The following FSCN1 variants were observed in gnomAD, a reference collection of about 807,000 sequenced individuals.
FSCN1 encodes the protein fascin.
A neutral mutation model predicts 39.7 loss-of-function variants in FSCN1; 10 were observed. The ratio of observed to expected loss-of-function variants is 0.25; its 90% CI spans 0.16 to 0.43. The LOEUF (loss-of-function observed/expected upper bound fraction) is 0.43. FSCN1 is among the 20% of genes least tolerant of loss of function. The pLI is 1.00. For missense variants in FSCN1, 525 were observed against 723.8 expected, an observed-to-expected ratio of 0.73 and a Z score of 3.15; for synonymous variants, 322 against 320.0, an observed-to-expected ratio of 1.01 and a Z score of -0.07.
chr7:5,603,774 C>T lies in FSCN1; in HGVS notation c.1112-89C>T. The T allele has an allele frequency of 2.0e-6, 3 of 1,503,478 alleles. No homozygotes were observed. The highest frequency in any genetic ancestry group is 2.7e-6 in the Non-Finnish European group (3 of 1,096,540). 93.1% of individuals were successfully genotyped at this position (1,503,478 alleles called of 1,614,324 possible). On this transcript the variant is annotated intron_variant, in intron 3 of 4. Coordinates refer to ENST00000382361, the MANE Select transcript of FSCN1 (RefSeq NM_003088.4). The surrounding 1 kb of genome is among the most constrained non-coding windows in gnomAD (Gnocchi z 8.5). Reference sequence around the variant, plus strand: ...CCTACCCTGGGGACTGCTGTGTGACCCCAGCTCCTGGCCCTCCCTCTCTGG... The same window carrying T: ...CCTACCCTGGGGACTGCTGTGTGACTCCAGCTCCTGGCCCTCCCTCTCTGG...
At chr7:5,602,995 C>T (rs1414365791) in intron 1 of FSCN1, 13 of 532,036 alleles carry the variant, frequency 2.4e-5, no homozygotes, top group Non-Finnish European at 4.4e-5. Context: ...CAGGCATGAG[C>T]CCCTGTCCCT....
intron 1 of FSCN1, among the ~76,000 whole-genome samples, chr7:5,600,407 CTCTT>C (rs979031758): frequency 1.3e-4 from 20 of 152,014 alleles, no homozygotes; most frequent in Admixed American, 7.2e-4. Context: ...CAGCGAGACT[CTCTT>C]TCTCAAAAAA....
chr7:5,594,159 G>A (rs557838255), intron 1 of FSCN1: 373 of 193,680 alleles, frequency 1.9e-3, no homozygotes, highest in Non-Finnish European at 3.0e-3. Context: ...CCCTCCCCCC[G>A]CCGGCTGTCC....
intron 1 of FSCN1, among the ~76,000 whole-genome samples, chr7:5,594,389 C>T (rs1398659135): frequency 6.6e-6 from 1 of 152,054 alleles, no homozygotes; most frequent in African/African-American, 2.4e-5. Flanking sequence ...GTCAGCCCTT[C>T]CCCCCAGCCC....
At chr7:5,598,993 G>T (rs923032129) in intron 1 of FSCN1, among the ~76,000 whole-genome samples, 1 of 152,192 alleles carries the variant, frequency 6.6e-6, no homozygotes, top group Non-Finnish European at 1.5e-5. Flanking sequence ...CTGCAGCCCT[G>T]CGGCTTCTGT....
rs767397734 is a variant in FSCN1 at position 5,605,460 on chromosome 7, C to G, written c.1468C>G (p.Leu490Val). The G allele has an allele frequency of 1.3e-6, 2 of 1,582,324 alleles. No individual in the cohort carries two copies. Among genetic ancestry groups the G allele is most frequent in the Non-Finnish European group, 1.7e-6 (2 of 1,164,182 alleles). Residue 490 changes from leucine (L) to valine (V), a missense_variant, in exon 5 of 5, where the codon CTC (leucine) becomes GTC (valine). Around this residue, in one of 3 missense-constraint regions of FSCN1, gnomAD observed 275 missense variants for 351.9 expected, o/e 0.78. Transcript: ENST00000382361. The surrounding 1 kb of genome is among the most constrained non-coding windows in gnomAD (Gnocchi z 6.9). ...ASAETVDPAS[L>V]WEY The stretch of plus-strand genomic sequence containing the variant: ...GGCGGAAACCGTGGACCCCGCCTCG[C>G]TCTGGGAGTACTAGGGCCGGCCCGT...
rs779894288 is a variant in FSCN1, at chr7:5,593,510, G to A, written c.574G>A (p.Asp192Asn). The A allele has an allele frequency of 8.1e-6, 13 of 1,606,324 alleles. No homozygotes were observed. The South Asian group carries it at 1.3e-4, about 16-fold the overall frequency. The change falls in exon 1 of 5, where the codon GAC (aspartate) becomes AAC (asparagine). Residue 192 changes from aspartate (D) to asparagine (N), a missense_variant. This residue lies in a region of FSCN1 where 246 missense variants were observed against 350.6 expected (regional missense o/e 0.70). Coordinates refer to ENST00000382361, the MANE Select transcript of FSCN1 (RefSeq NM_003088.4). ...CCAGCGCTACAGCGTGCAGACCGCC[G>A]ACCACCGCTTCCTGCGCCACGACGG... ...QDQRYSVQTA[D>N]HRFLRHDGRL...
At chr7:5,594,713 G>C (rs1785699769) in intron 1 of FSCN1, 1 of 152,076 alleles carries the variant, frequency 6.6e-6, no homozygotes, top group African/African-American at 2.4e-5. Flanking sequence ...CCCGCCGCGC[G>C]CGTCTCCAGG....
rs772019323 is a variant in FSCN1 at position 5,593,560 on chromosome 7, G to A, written c.624G>A (p.Pro208=). The A allele has an allele frequency of 3.8e-6, 6 of 1,584,356 alleles. No individual in the cohort carries two copies. The highest frequency in any genetic ancestry group is 2.3e-5 in the East Asian group (1 of 43,808). ...HDGRLVARPE[P]ATGYTLEFRS... ...GGCGCCTGGTGGCGCGCCCCGAGCC[G>A]GCCACTGGCTACACGCTGGAGTTCC... Residue 208 remains proline, a synonymous_variant, in exon 1 of 5, where the codon CCG becomes CCA. Transcript: ENST00000382361.
intron 1 of FSCN1, among the ~76,000 whole-genome samples, chr7:5,597,537 C>A (rs982471108): frequency 6.6e-6 from 1 of 151,856 alleles, no homozygotes; most frequent in African/African-American, 2.4e-5. Context: ...CGTGGTGGCG[C>A]ATGCCTGTAA....
chr7:5,593,990 G>T, intron 1 of FSCN1: 1 of 555,068 alleles, frequency 1.8e-6, no homozygotes. Flanking sequence ...CCCCGGGCTG[G>T]GATCATGGGC....
rs7806695 is a variant in FSCN1, at chr7:5,602,188, G to C, written c.833-1069G>C. Among the ~76,000 whole-genome samples the C allele has an allele frequency of 2.5e-3, 376 of 150,246 alleles. 1 individual carries two copies. The highest frequency in any genetic ancestry group is 9.0e-3 in the African/African-American group (364 of 40,498). On this transcript the variant is annotated intron_variant, in intron 1 of 4. Coordinates refer to ENST00000382361, the MANE Select transcript of FSCN1 (RefSeq NM_003088.4). Reference sequence around the variant, plus strand: ...CCCAAACTGCTGGGATTACAGGTGTGAGCCACTGTGCCTGGCCCCTTTTTT... The same window carrying C: ...CCCAAACTGCTGGGATTACAGGTGTCAGCCACTGTGCCTGGCCCCTTTTTT...
intron 1 of FSCN1, among the ~76,000 whole-genome samples, chr7:5,596,294 C>G (rs1437553446): frequency 6.6e-6 from 1 of 152,168 alleles, no homozygotes; most frequent in Non-Finnish European, 1.5e-5. Context: ...GGATGTGAAT[C>G]ATCTCTGCAG....
intron 1 of FSCN1, chr7:5,594,789 G>A (rs1384818659): frequency 6.6e-6 from 1 of 152,360 alleles, no homozygotes. Context: ...GGAGACCCCA[G>A]GCCAGCTCCC....
Position 5,605,524 on chromosome 7 carries a change from C to T in FSCN1, c.*50C>T. On this transcript the variant is annotated 3_prime_UTR_variant, in exon 5 of 5. Coordinates refer to ENST00000382361, the MANE Select transcript of FSCN1 (RefSeq NM_003088.4). This position sits in a 1 kb window ranked among gnomAD's most constrained non-coding sequence, Gnocchi z 6.9. ...TGCCCACATGGCGGCTCCTGCCAACCCTCCCTGCTAACCCCTTCTCCGCCA... is the reference window on the plus strand; with the variant it reads ...TGCCCACATGGCGGCTCCTGCCAACTCTCCCTGCTAACCCCTTCTCCGCCA... The T allele has an allele frequency of 1.5e-6, 2 of 1,356,702 alleles. No individual in the cohort carries two copies. The highest frequency in any genetic ancestry group is 2.5e-5 in the East Asian group (1 of 39,884). 84.0% of individuals were successfully genotyped at this position (1,356,702 alleles called of 1,614,324 possible).
Position 5,592,924 on chromosome 7 carries a change from G to T in FSCN1, c.-13G>T. On this transcript the variant is annotated 5_prime_UTR_variant, in exon 1 of 5. Transcript: ENST00000382361. The surrounding 1 kb of genome is among the most constrained non-coding windows in gnomAD (Gnocchi z 5.3). ...TCCCGGGGCCGCGCAGCGGCCTCTCGTCTACTGCCACCATGACCGCCAACG... is the reference window on the plus strand; with the variant it reads ...TCCCGGGGCCGCGCAGCGGCCTCTCTTCTACTGCCACCATGACCGCCAACG... 4 of 1,479,240 alleles carry T rather than the reference G, an allele frequency of 2.7e-6. No homozygotes were observed. The highest frequency in any genetic ancestry group is 3.6e-6 in the Non-Finnish European group (4 of 1,110,402). 91.6% of individuals were successfully genotyped at this position (1,479,240 alleles called of 1,614,324 possible).
chr7:5,602,939 G>C, intron 1 of FSCN1: 1 of 382,776 alleles, frequency 2.6e-6, no homozygotes, highest in Non-Finnish European at 4.9e-6. Context: ...CAAACTCCTA[G>C]ACTCAAACAA....
Position 5,605,568 on chromosome 7 carries a change from A to C in FSCN1, c.*94A>C. 3 of 945,826 alleles carry C rather than the reference A, an allele frequency of 3.2e-6. No individual in the cohort carries two copies. In the South Asian group the frequency reaches 5.2e-5, roughly 16 times the overall value. 58.6% of individuals were successfully genotyped at this position (945,826 alleles called of 1,614,324 possible). On this transcript the variant is annotated 3_prime_UTR_variant, in exon 5 of 5. Coordinates refer to ENST00000382361, the MANE Select transcript of FSCN1 (RefSeq NM_003088.4). This position sits in a 1 kb window ranked among gnomAD's most constrained non-coding sequence, Gnocchi z 6.9. ...TCCGCCAGGTGGGCTCCAGGGCGGG[A>C]GGCAAGCCCCCTTGCCTTTCAAACT...
chr7:5,605,581 T>C lies in FSCN1; in HGVS notation c.*107T>C. ...CTCCAGGGCGGGAGGCAAGCCCCCTTGCCTTTCAAACTGGAAACCCCAGAG... is the reference window on the plus strand; with the variant it reads ...CTCCAGGGCGGGAGGCAAGCCCCCTCGCCTTTCAAACTGGAAACCCCAGAG... On this transcript the variant is annotated 3_prime_UTR_variant, in exon 5 of 5. Coordinates refer to ENST00000382361, the MANE Select transcript of FSCN1 (RefSeq NM_003088.4). This position sits in a 1 kb window ranked among gnomAD's most constrained non-coding sequence, Gnocchi z 6.9. 1.2e-6 allele frequency: 1 copy of C among 831,466 alleles called. No homozygotes were observed. The highest frequency in any genetic ancestry group is 2.7e-5 in the East Asian group (1 of 37,190). 51.5% of individuals were successfully genotyped at this position (831,466 alleles called of 1,614,324 possible).
Sources: gnomAD v4.1 joint callset for allele counts (sites outside exome capture counted in the v4.1 genomes callset) on GRCh38, gnomAD v4.1.1 for gene constraint, gnomAD v4.1.1 regional missense constraint, Gnocchi (gnomAD v3.1) non-coding constraint, MANE v1.5 for transcripts, NCBI Gene and HGNC (gene_info 2026-07-23, HGNC 2026-07-21) for gene names.